The following CLIC2 variants were observed in gnomAD, a reference collection of about 807,000 sequenced individuals.
CLIC2 encodes chloride intracellular channel protein 2.
Under a neutral mutation model 14.8 loss-of-function variants are expected in CLIC2, and 9 were observed. That is an observed-to-expected ratio of 0.61 (90% CI 0.37 to 1.06). CLIC2 has a LOEUF of 1.06. Among genes scored for constraint, CLIC2 ranks in the 50% least tolerant of loss-of-function variants. The pLI is 0.01. For synonymous variants in CLIC2, 61 were observed against 66.3 expected (o/e 0.92, Z 0.39); for missense variants, 148 against 181.4 (o/e 0.82, Z 1.06).
chrX:155,327,962 C>T (rs1368711985), intron 1 of CLIC2, among the ~76,000 whole-genome samples: 2 of 110,955 alleles, frequency 1.8e-5, no homozygotes, highest in Non-Finnish European at 3.8e-5. Flanking sequence ...TTAAACATCC[C>T]TTTATGACAA....
At chrX:155,293,729 CAAACGG>C (rs2074983023) in intron 3 of CLIC2, among the ~76,000 whole-genome samples, 1 of 111,489 alleles carries the variant, frequency 9.0e-6, no homozygotes. Flanking sequence ...ATATTTCACA[CAAACGG>C]AAACCAAAAG....
intron 1 of CLIC2, among the ~76,000 whole-genome samples, chrX:155,328,654 T>A (rs782510812): frequency 9.0e-6 from 1 of 110,932 alleles, no homozygotes; most frequent in Non-Finnish European, 1.9e-5. Flanking sequence ...AAAATCCTAA[T>A]ATTTATATGG....
intron 1 of CLIC2, among the ~76,000 whole-genome samples, chrX:155,310,813 TC>T (rs1343720688): frequency 8.9e-6 from 1 of 112,619 alleles, no homozygotes; most frequent in Non-Finnish European, 1.9e-5. Context: ...AGGCACAGGT[TC>T]CCAAACCTCA....
At chrX:155,323,069 A>G (rs1557321895) in intron 1 of CLIC2, among the ~76,000 whole-genome samples, 1 of 112,407 alleles carries the variant, frequency 8.9e-6, no homozygotes, top group Non-Finnish European at 1.9e-5. Flanking sequence ...GCACAGGATC[A>G]GACGGATTCA....
At chrX:155,305,419 C>T (rs1314447072) in intron 1 of CLIC2, among the ~76,000 whole-genome samples, 2 of 112,706 alleles carry the variant, frequency 1.8e-5, no homozygotes, top group African/African-American at 6.4e-5. Context: ...GGCAATGCCT[C>T]GCCCTGCTTC....
At chrX:155,282,737 C>G (rs1417406479) in intron 3 of CLIC2, among the ~76,000 whole-genome samples, 1 of 111,361 alleles carries the variant, frequency 9.0e-6, no homozygotes, top group Non-Finnish European at 1.9e-5. Flanking sequence ...AAGACTAGCA[C>G]CTTTGGACCC....
chrX:155,299,266 C>A (rs2075006099), intron 1 of CLIC2, 121 bp from the exon 2 acceptor site: 7 of 534,144 alleles, frequency 1.3e-5, no homozygotes, highest in Non-Finnish European at 2.3e-5. Flanking sequence ...TCATGTACTC[C>A]ATCATCTATG....
Position 155,298,903 on chromosome X carries a change from C to T in CLIC2, c.175G>A (p.Glu59Lys). ...CCTGGGGCTAAGTCCTTTAGTTCTT[C>T]AGGCTTTCTATGATTATTAAAAATA... ...VTTVDMTRKP[E>K]ELKDLAPGTN... The change falls in exon 3 of 6, where the codon GAA becomes AAA. Residue 59 changes from glutamate to lysine, a missense_variant. Physicochemically the swap from Glu to Lys is moderately conservative, Grantham distance 56. Coordinates refer to ENST00000369449, the MANE Select transcript of CLIC2 (RefSeq NM_001289.6). 1 of 1,209,179 alleles carries T rather than the reference C, an allele frequency of 8.3e-7. No individual in the cohort carries two copies. The highest frequency in any genetic ancestry group is 1.8e-5 in the South Asian group (1 of 56,926).
chrX:155,301,563 C>G (rs1427555276), intron 1 of CLIC2, among the ~76,000 whole-genome samples: 1 of 92,268 alleles, frequency 1.1e-5, no homozygotes, highest in Non-Finnish European at 2.2e-5. Flanking sequence ...AATTGAATAC[C>G]CTTTATTTAC....
intron 1 of CLIC2, among the ~76,000 whole-genome samples, chrX:155,325,765 T>G (rs1433687637): frequency 6.5e-5 from 1 of 15,293 alleles, no homozygotes; most frequent in Non-Finnish European, 1.0e-4. Flanking sequence ...AAATGTGATA[T>G]ATATATATAT....
intron 1 of CLIC2, among the ~76,000 whole-genome samples, chrX:155,315,007 A>T (rs960346214): frequency 1.3e-4 from 14 of 111,857 alleles, no homozygotes; most frequent in African/African-American, 4.5e-4. Flanking sequence ...AGAACTTCAG[A>T]GCTTGAAGAT....
intron 1 of CLIC2, among the ~76,000 whole-genome samples, chrX:155,307,977 C>T (rs1557320184): frequency 1.8e-5 from 2 of 110,711 alleles, no homozygotes; most frequent in African/African-American, 3.3e-5. Context: ...GTGAAGATTA[C>T]AATAAATACC....
intron 1 of CLIC2, among the ~76,000 whole-genome samples, chrX:155,323,259 A>C (rs1388194348): frequency 8.9e-6 from 1 of 112,026 alleles, no homozygotes; most frequent in Non-Finnish European, 1.9e-5. Context: ...TATCCCTGAT[A>C]AACATTGTTG....
At chrX:155,318,421 C>G (rs1180066760) in intron 1 of CLIC2, among the ~76,000 whole-genome samples, 1 of 111,517 alleles carries the variant, frequency 9.0e-6, no homozygotes, top group Non-Finnish European at 1.9e-5. Context: ...AGTGACCAAG[C>G]TGAGAATAAA....
At chrX:155,305,686 T>C (rs2075052977) in intron 1 of CLIC2, among the ~76,000 whole-genome samples, 1 of 112,579 alleles carries the variant, frequency 8.9e-6, no homozygotes, top group Non-Finnish European at 1.9e-5. Context: ...TATGACAGTT[T>C]TTAATTTTTT....
intron 4 of CLIC2, among the ~76,000 whole-genome samples, chrX:155,279,562 G>A (rs1320051847): frequency 9.0e-6 from 1 of 111,563 alleles, no homozygotes; most frequent in Non-Finnish European, 1.9e-5. Flanking sequence ...GCATTGGCAG[G>A]AGAGTAAAAG....
In CLIC2 at chrX:155,319,429, G is replaced by A. The variant is rs782136739; in HGVS notation, c.57+14942C>T. On this transcript the variant is annotated intron_variant, in intron 1 of 5. Coordinates refer to ENST00000369449, the MANE Select transcript of CLIC2 (RefSeq NM_001289.6). ...AGGGTGAGCCAAAGCAGGGTGGGGC[G>A]TCACCTCACTCAGGAAGCACAAGGG... Among the ~76,000 whole-genome samples, 43 of 111,858 alleles carry A rather than the reference G, an allele frequency of 3.8e-4. No homozygotes were observed. In the East Asian group the frequency reaches 8.5e-3, roughly 22 times the overall value.
intron 5 of CLIC2, 185 bp downstream of exon 5, chrX:155,278,964 T>C: frequency 2.2e-6 from 1 of 457,276 alleles, no homozygotes; most frequent in South Asian, 3.5e-5. Flanking sequence ...CAAGTTTTAA[T>C]ACTTCCCAGA....
chrX:155,316,383 A>T (rs917461169), intron 1 of CLIC2, among the ~76,000 whole-genome samples: 2 of 112,087 alleles, frequency 1.8e-5, no homozygotes, highest in Non-Finnish European at 3.8e-5. Context: ...AAGTCTCAGT[A>T]AATTTAAGAA....
Sources: allele counts gnomAD v4.1 joint callset (sites outside exome capture counted in the v4.1 genomes callset), GRCh38; gene constraint gnomAD v4.1.1; transcripts MANE v1.5; gene names NCBI Gene and HGNC (gene_info 2026-07-23, HGNC 2026-07-21).